Variants in ADAMTS12 observed in about 807,000 individuals in gnomAD.
ADAMTS12 encodes the protein A disintegrin and metalloproteinase with thrombospondin motifs 12.
A neutral mutation model predicts 167.8 loss-of-function variants in ADAMTS12; 118 were observed. The observed-to-expected ratio is 0.70, with a 90% confidence interval of 0.61 to 0.82. ADAMTS12 has a LOEUF of 0.82. Ranked by LOEUF, ADAMTS12 falls within the 40% of genes least tolerant of loss-of-function variation. The pLI is 0.00. For missense variants in ADAMTS12, 1,916 were observed against 1,998.8 expected, an observed-to-expected ratio of 0.96 and a Z score of 0.79; for synonymous variants, 704 against 716.9, an observed-to-expected ratio of 0.98 and a Z score of 0.29.
In ADAMTS12 at chr5:33,614,275, G is replaced by C; in HGVS notation, c.2490C>G (p.Tyr830Ter). 1.2e-6 allele frequency: 2 copies of C among 1,613,982 alleles called. No homozygotes were observed. The highest frequency in any genetic ancestry group is 1.7e-6 in the Non-Finnish European group (2 of 1,179,954). ...TCACACTGCACTCTGTCCAGTGGCCGTACTGCCAGAAGTACATCTGCTGCT... is the reference window on the plus strand; with the variant it reads ...TCACACTGCACTCTGTCCAGTGGCCCTACTGCCAGAAGTACATCTGCTGCT... ...DVEQQMYFWQ[Y>*]GHWTECSVTC... is the part of the protein sequence containing the mutation. Residue 830 changes from tyrosine (Y) to a stop codon, truncating the protein, a stop_gained, in exon 16 of 24, where the codon TAC (tyrosine) becomes TAG (stop). Transcript: ENST00000504830. LOFTEE classifies it high-confidence loss of function.
chr5:33,830,604 C>G (rs1471028636), intron 2 of ADAMTS12, among the ~76,000 whole-genome samples: 2 of 152,054 alleles, frequency 1.3e-5, no homozygotes, highest in Non-Finnish European at 2.9e-5. Context: ...GCCTGGGCAA[C>G]TTATCAAGAC....
chr5:33,688,765 T>C (rs10472884), intron 3 of ADAMTS12, among the ~76,000 whole-genome samples: 34,203 of 152,170 alleles, frequency 0.22, 4,028 homozygotes, highest in East Asian at 0.42. Flanking sequence ...ATGAGGCTGC[T>C]TATTCTACTT....
chr5:33,766,216 C>T (rs1025947619), intron 2 of ADAMTS12, among the ~76,000 whole-genome samples: 1 of 152,136 alleles, frequency 6.6e-6, no homozygotes, highest in African/African-American at 2.4e-5. Context: ...ACTACTTCAA[C>T]CACGTGATCA....
chr5:33,579,524 T>C (rs1746945057), intron 18 of ADAMTS12, among the ~76,000 whole-genome samples: 1 of 151,644 alleles, frequency 6.6e-6, no homozygotes, highest in Non-Finnish European at 1.5e-5. Flanking sequence ...CTAAAGAAGT[T>C]AGCTTTACTT....
At chr5:33,755,335 A>C (rs1226240510) in intron 2 of ADAMTS12, among the ~76,000 whole-genome samples, 2 of 152,198 alleles carry the variant, frequency 1.3e-5, no homozygotes, top group Non-Finnish European at 2.9e-5. Flanking sequence ...GGTAGGGATA[A>C]GACCAAAGGC....
intron 3 of ADAMTS12, among the ~76,000 whole-genome samples, chr5:33,695,756 T>TAA (rs1742732982): frequency 6.6e-6 from 1 of 152,138 alleles, no homozygotes. Flanking sequence ...TTTGGGGAGA[T>TAA]GGGAAAACTT....
In ADAMTS12 at chr5:33,641,984, G is replaced by T. The variant is rs569759822; in HGVS notation, c.1573-29C>A. ...GAAAGGGAAGAGGCAGGAGATGGCCGTATCAGGAAGGTTACCAGAGCAAGC... is the reference window on the plus strand; with the variant it reads ...GAAAGGGAAGAGGCAGGAGATGGCCTTATCAGGAAGGTTACCAGAGCAAGC... On this transcript the variant is annotated intron_variant, in intron 10 of 23. Transcript: ENST00000504830. 3.8e-6 allele frequency: 6 copies of T among 1,582,044 alleles called. No individual in the cohort carries two copies. The African/African-American group carries it at 6.7e-5, about 18-fold the overall frequency.
intron 5 of ADAMTS12, among the ~76,000 whole-genome samples, chr5:33,672,093 CCACACTCACATCCACA>C (rs775422449): frequency 1.0e-4 from 15 of 147,910 alleles, no homozygotes; most frequent in South Asian, 4.3e-4. Flanking sequence ...ACACACACAT[CCACACTCACATCCACA>C]CACTCACATC....
chr5:33,599,566 G>A (rs1375397438), intron 16 of ADAMTS12, among the ~76,000 whole-genome samples: 1 of 152,122 alleles, frequency 6.6e-6, no homozygotes, highest in Admixed American at 6.5e-5. Context: ...GCCTAGGGAT[G>A]GTAGCCTTAT....
chr5:33,848,239 G>A (rs1227300839), intron 2 of ADAMTS12, among the ~76,000 whole-genome samples: 2 of 151,730 alleles, frequency 1.3e-5, no homozygotes, highest in South Asian at 2.1e-4. Flanking sequence ...AGTGAAGCAA[G>A]GAAATGCCTG....
At chr5:33,842,622 G>A (rs1206305436) in intron 2 of ADAMTS12, among the ~76,000 whole-genome samples, 3 of 152,228 alleles carry the variant, frequency 2.0e-5, no homozygotes, top group Admixed American at 1.3e-4. Context: ...AACTATTGAG[G>A]AAACGCAAGG....
At chr5:33,682,814 A>G (rs1162443082) in intron 5 of ADAMTS12, among the ~76,000 whole-genome samples, 1 of 152,160 alleles carries the variant, frequency 6.6e-6, no homozygotes, top group African/African-American at 2.4e-5. Context: ...GATTTCAACT[A>G]TGTATATTTT....
chr5:33,752,494 C>T (rs1745023064), intron 2 of ADAMTS12, among the ~76,000 whole-genome samples: 1 of 152,130 alleles, frequency 6.6e-6, no homozygotes, highest in Non-Finnish European at 1.5e-5. Context: ...TTTTTAATTT[C>T]TCAGCTGAAA....
At chr5:33,809,375 A>G (rs1747360886) in intron 2 of ADAMTS12, among the ~76,000 whole-genome samples, 2 of 152,162 alleles carry the variant, frequency 1.3e-5, no homozygotes, top group South Asian at 4.1e-4. Flanking sequence ...TGCTTTGAAG[A>G]TATTTTCTTG....
intron 8 of ADAMTS12, 128 bp from the exon 9 acceptor site, chr5:33,649,094 A>T: frequency 8.8e-7 from 1 of 1,141,830 alleles, no homozygotes. Flanking sequence ...TTTACAAGGC[A>T]GAGAACTCTC....
intron 7 of ADAMTS12, among the ~76,000 whole-genome samples, chr5:33,654,521 A>G (rs1035169545): frequency 3.9e-5 from 6 of 152,118 alleles, no homozygotes; most frequent in African/African-American, 1.4e-4. Flanking sequence ...GCTCCTTGTT[A>G]CTGTCTAGGG....
Position 33,577,102 on chromosome 5 carries a change from T to C in ADAMTS12, c.2924A>G (p.His975Arg). 1 of 1,614,218 alleles carries C rather than the reference T, an allele frequency of 6.2e-7. No homozygotes were observed. Among genetic ancestry groups the C allele is most frequent in the Non-Finnish European group, 8.5e-7 (1 of 1,180,026 alleles). Residue 975 changes from histidine (H) to arginine (R), a missense_variant, in exon 19 of 24, where the codon CAT (histidine) becomes CGT (arginine). Transcript: ENST00000504830. ...CCTTGTCACATCGCAAGGTTCATCA[T>C]GGTTCTTGGCACATGTGACACTGCG... Reference protein sequence around the residue: ...RIRSVTCAKNHDEPCDVTRKP... With the variant: ...RIRSVTCAKNRDEPCDVTRKP...
chr5:33,526,910 C>T lies in ADAMTS12; in HGVS notation c.*278G>A, dbSNP rs902390692. The stretch of plus-strand genomic sequence containing the variant: ...AACAAAAATACAGTATTTCACAAAT[C>T]TGTCTAACCTGGCACCTTTCCCAGG... On this transcript the variant is annotated 3_prime_UTR_variant, in exon 24 of 24. Coordinates refer to ENST00000504830, the MANE Select transcript of ADAMTS12 (RefSeq NM_030955.4). 1.6e-5 allele frequency: 6 copies of T among 384,264 alleles called. No homozygotes were observed. Among genetic ancestry groups the T allele is most frequent in the African/African-American group, 1.0e-4 (5 of 49,496 alleles). The allele number at this position is 384,264 out of a possible 1,614,324, so 23.8% of individuals were successfully genotyped here.
intron 20 of ADAMTS12, among the ~76,000 whole-genome samples, chr5:33,558,318 T>G (rs1183872630): frequency 2.6e-5 from 4 of 152,108 alleles, no homozygotes; most frequent in African/African-American, 9.7e-5. Context: ...TGATATAAGG[T>G]TTATCTATTA....
Sources: allele counts gnomAD v4.1 joint callset (sites outside exome capture counted in the v4.1 genomes callset), GRCh38; gene constraint gnomAD v4.1.1; transcripts MANE v1.5; gene names NCBI Gene and HGNC (gene_info 2026-07-23, HGNC 2026-07-21).